Variants in HS3ST4 observed in about 807,000 individuals in gnomAD.
The protein encoded by HS3ST4 is heparan sulfate-glucosamine 3-sulfotransferase 4.
In HS3ST4, 17 loss-of-function variants were observed where a neutral mutation model predicts 29.2. The ratio of observed to expected loss-of-function variants is 0.58; its 90% CI spans 0.40 to 0.87. HS3ST4 has a LOEUF of 0.87. HS3ST4 is among the 40% of genes least tolerant of loss of function. The pLI is 0.00. For missense variants in HS3ST4, 627 were observed against 634.5 expected, an observed-to-expected ratio of 0.99 and a Z score of 0.13; for synonymous variants, 314 against 285.7, an observed-to-expected ratio of 1.10 and a Z score of -1.00.
chr16:25,857,150 A>C (rs1596592536), intron 1 of HS3ST4, among the ~76,000 whole-genome samples: 1 of 152,280 alleles, frequency 6.6e-6, no homozygotes, highest in East Asian at 1.9e-4. Context: ...ATGTTAGTCC[A>C]CAGTAGTTCT....
chr16:25,842,265 C>G (rs570537304), intron 1 of HS3ST4, among the ~76,000 whole-genome samples: 2 of 152,106 alleles, frequency 1.3e-5, no homozygotes, highest in African/African-American at 2.4e-5. Flanking sequence ...TCTTCCAGGT[C>G]GAGAGAAATA....
chr16:26,074,409 T>C (rs1898636226), intron 1 of HS3ST4, among the ~76,000 whole-genome samples: 1 of 152,192 alleles, frequency 6.6e-6, no homozygotes, highest in African/African-American at 2.4e-5. Context: ...ATACATTTAT[T>C]GGGGGCTGGG....
At chr16:25,718,524 AAGAG>A (rs1966473271) in intron 1 of HS3ST4, among the ~76,000 whole-genome samples, 1 of 151,630 alleles carries the variant, frequency 6.6e-6, no homozygotes, top group African/African-American at 2.4e-5. Context: ...GAGAGAAAGA[AAGAG>A]AGACTTTCTT....
chr16:25,778,839 C>T (rs776018352), intron 1 of HS3ST4, among the ~76,000 whole-genome samples: 4 of 152,172 alleles, frequency 2.6e-5, no homozygotes, highest in African/African-American at 7.2e-5. Context: ...CATAGAAACC[C>T]TGTCTGAGTT....
intron 1 of HS3ST4, among the ~76,000 whole-genome samples, chr16:25,950,186 T>A (rs1329951340): frequency 6.6e-6 from 1 of 152,162 alleles, no homozygotes; most frequent in Non-Finnish European, 1.5e-5. Flanking sequence ...GGATACAGAC[T>A]CAATCAATGC....
intron 1 of HS3ST4, among the ~76,000 whole-genome samples, chr16:25,963,936 C>G (rs1174220368): frequency 6.6e-6 from 1 of 152,094 alleles, no homozygotes; most frequent in Non-Finnish European, 1.5e-5. Flanking sequence ...TTTGGGAGGC[C>G]GAGGTGGGCA....
chr16:25,919,626 A>C (rs963575659), intron 1 of HS3ST4, among the ~76,000 whole-genome samples: 23 of 152,212 alleles, frequency 1.5e-4, no homozygotes, highest in African/African-American at 5.5e-4. Flanking sequence ...GGCAAATCTT[A>C]AAATAGCAGG....
intron 1 of HS3ST4, among the ~76,000 whole-genome samples, chr16:26,051,879 TGC>T (rs879687534): frequency 0.016 from 1,860 of 113,000 alleles, 64 homozygotes; most frequent in African/African-American, 0.063. Flanking sequence ...CCTCCCTCCC[TGC>T]CTCCCTCCCT....
At chr16:26,002,841 A>C (rs1379871196) in intron 1 of HS3ST4, among the ~76,000 whole-genome samples, 1 of 152,116 alleles carries the variant, frequency 6.6e-6, no homozygotes, top group Non-Finnish European at 1.5e-5. Flanking sequence ...TGTAGATTTT[A>C]GAAAGAGCAC....
chr16:25,761,460 G>A (rs1021866897), intron 1 of HS3ST4, among the ~76,000 whole-genome samples: 1 of 152,156 alleles, frequency 6.6e-6, no homozygotes, highest in African/African-American at 2.4e-5. Flanking sequence ...TACCATCTTG[G>A]AGAGCATAGT....
chr16:25,849,608 C>T (rs908037952), intron 1 of HS3ST4, among the ~76,000 whole-genome samples: 5 of 152,042 alleles, frequency 3.3e-5, no homozygotes, highest in South Asian at 2.1e-4. Context: ...GCCATCCTCC[C>T]GTCTTTGCAC....
chr16:25,763,939 CTG>C (rs1286868219), intron 1 of HS3ST4, among the ~76,000 whole-genome samples: 1 of 152,134 alleles, frequency 6.6e-6, no homozygotes, highest in Non-Finnish European at 1.5e-5. Flanking sequence ...CAGTTAAAAA[CTG>C]TTGTAGGTTG....
intron 1 of HS3ST4, among the ~76,000 whole-genome samples, chr16:26,123,511 C>A (rs1380655934): frequency 6.6e-6 from 1 of 152,206 alleles, no homozygotes; most frequent in African/African-American, 2.4e-5. Flanking sequence ...TGTACTATTT[C>A]AGAAAATGAA....
intron 1 of HS3ST4, among the ~76,000 whole-genome samples, chr16:26,089,409 T>G (rs2141788197): frequency 6.6e-6 from 1 of 152,164 alleles, no homozygotes; most frequent in Non-Finnish European, 1.5e-5. Flanking sequence ...TTGTCAGAAC[T>G]GGTGGAGAAG....
intron 1 of HS3ST4, among the ~76,000 whole-genome samples, chr16:25,877,435 G>C (rs907934649): frequency 5.3e-5 from 8 of 152,132 alleles, no homozygotes; most frequent in Non-Finnish European, 1.2e-4. Flanking sequence ...TTCTCTCTCT[G>C]TTAATCACTC....
chr16:25,811,669 G>T (rs1272580833), intron 1 of HS3ST4, among the ~76,000 whole-genome samples: 1 of 151,962 alleles, frequency 6.6e-6, no homozygotes, highest in African/African-American at 2.4e-5. Context: ...CCAACCTCAG[G>T]TGATACCCCC....
intron 1 of HS3ST4, among the ~76,000 whole-genome samples, chr16:25,954,356 T>C (rs1968708440): frequency 1.3e-5 from 2 of 152,172 alleles, no homozygotes; most frequent in Non-Finnish European, 2.9e-5. Context: ...TTCTCCTCCC[T>C]TTCTACCCCT....
At chr16:26,033,514 CAAAA>C (rs112569573) in intron 1 of HS3ST4, among the ~76,000 whole-genome samples, 7 of 113,390 alleles carry the variant, frequency 6.2e-5, no homozygotes, top group Non-Finnish European at 5.5e-5. Flanking sequence ...GACTCTGTCT[CAAAA>C]AAAAAAAAAA....
chr16:26,016,601 C>A (rs1228126385), intron 1 of HS3ST4, among the ~76,000 whole-genome samples: 1 of 152,130 alleles, frequency 6.6e-6, no homozygotes, highest in Non-Finnish European at 1.5e-5. Flanking sequence ...TGTTTTGTTT[C>A]TGTTTCTGAC....
Sources: allele counts gnomAD v4.1 joint callset (sites outside exome capture counted in the v4.1 genomes callset), GRCh38; gene constraint gnomAD v4.1.1; transcripts MANE v1.5; gene names NCBI Gene and HGNC (gene_info 2026-07-23, HGNC 2026-07-21).